ASB9: variants seen among roughly 807,000 people sequenced by gnomAD.
The protein encoded by ASB9 is ankyrin repeat and SOCS box containing 9, also known as ankyrin repeat and SOCS box protein 9.
A neutral mutation model predicts 16.6 loss-of-function variants in ASB9; 5 were observed. The ratio of observed to expected loss-of-function variants is 0.30; its 90% CI spans 0.16 to 0.63. The LOEUF is 0.63. Among genes scored for constraint, ASB9 ranks in the 30% least tolerant of loss-of-function variants. The pLI, the probability that ASB9 is intolerant of heterozygous loss-of-function variation, is 0.82. For synonymous variants in ASB9, 100 were observed against 86.4 expected (o/e 1.16, Z -0.87); for missense variants, 216 against 229.4 (o/e 0.94, Z 0.38).
chrX:15,250,662 T>C (rs1241990051), intron 4 of ASB9, 98 bp from the exon 5 acceptor site: 1 of 781,398 alleles, frequency 1.3e-6, no homozygotes, highest in South Asian at 3.3e-5. Flanking sequence ...GGCAGCAGCT[T>C]ATCCAGGGGA....
chrX:15,270,083 CACA>C (rs1011157438), upstream of ASB9: 3 of 114,588 alleles, frequency 2.6e-5, no homozygotes, highest in African/African-American at 1.3e-4. Context: ...CGCTCGTGTA[CACA>C]CACACACACA....
In ASB9 at chrX:15,244,398, C is replaced by A. The variant is rs1047483144; in HGVS notation, c.*108G>T. On this transcript the variant is annotated 3_prime_UTR_variant, in exon 7 of 7. Coordinates refer to ENST00000380488, the MANE Select transcript of ASB9 (RefSeq NM_001031739.3). ...AGTTTATAACAAATACAAATCTAAT[C>A]GAAAAAACTAGTCAAACTCTATAAA... The A allele has an allele frequency of 2.2e-6, 2 of 926,615 alleles. No homozygotes were observed. The highest frequency in any genetic ancestry group is 1.5e-6 in the Non-Finnish European group (1 of 670,432). The allele number at this position is 926,615 out of a possible 1,213,427, so 76.4% of individuals were successfully genotyped here.
chrX:15,249,483 G>GT (rs1043610733), intron 5 of ASB9, among the ~76,000 whole-genome samples: 3 of 112,401 alleles, frequency 2.7e-5, no homozygotes, highest in African/African-American at 9.7e-5. Flanking sequence ...CCTTTCAGGA[G>GT]TAAGGTGGAT....
In ASB9 at chrX:15,244,520, G is replaced by C. The variant is rs1924495267; in HGVS notation, c.871C>G (p.Leu291Val). 8.4e-7 allele frequency: 1 copy of C among 1,197,194 alleles called. No homozygotes were observed. The highest frequency in any genetic ancestry group is 1.7e-5 in the African/African-American group (1 of 57,395). Reference sequence around the variant, plus strand: ...CCTAGATGCATTTAAAGATGTAGGAGAAACTGTTTCAGATCCTCTGGGAGG... The same window carrying C: ...CCTAGATGCATTTAAAGATGTAGGACAAACTGTTTCAGATCCTCTGGGAGG... ...LVLPEDLKQFLLHL is the reference protein window; with the variant it reads ...LVLPEDLKQFVLHL The change falls in exon 7 of 7, where the codon CTC becomes GTC. Residue 291 changes from leucine (L) to valine (V), a missense_variant. Transcript: ENST00000380488.
chrX:15,244,628 G>A lies in ASB9; in HGVS notation c.763C>T (p.Pro255Ser). 8.3e-7 allele frequency: 1 copy of A among 1,202,331 alleles called. No homozygotes were observed. The highest frequency in any genetic ancestry group is 1.1e-6 in the Non-Finnish European group (1 of 889,797). The change falls in exon 7 of 7, where the codon CCC becomes TCC. Residue 255 changes from proline to serine, a missense_variant and splice_region_variant. Physicochemically the swap from Pro to Ser is moderately conservative, Grantham distance 74 (BLOSUM62 -1). Transcript: ENST00000380488. ...LAQLFLEREGPPSLMQLCRLR... is the reference protein window; with the variant it reads ...LAQLFLEREGSPSLMQLCRLR... ...CGGCATAACTGCATCAAAGAAGGGG[G>A]CCCTGGAGAAAGATCATAAGACAAG...
chrX:15,248,539 G>T, intron 6 of ASB9: 2 of 631,161 alleles, frequency 3.2e-6, no homozygotes, highest in Non-Finnish European at 4.4e-6. Context: ...TATCCAATAT[G>T]CTAAATAGCA....
chrX:15,257,663 A>C (rs1925685491), intron 2 of ASB9, among the ~76,000 whole-genome samples: 1 of 111,726 alleles, frequency 9.0e-6, no homozygotes, highest in South Asian at 3.7e-4. Flanking sequence ...ATAAAATCAT[A>C]AGGTAATTAA....
At chrX:15,250,674 CA>C in intron 4 of ASB9, 110 bp from the exon 5 acceptor site, 1 of 670,825 alleles carries the variant, frequency 1.5e-6, no homozygotes, top group Non-Finnish European at 2.2e-6. Context: ...TCCAGGGGAC[CA>C]AAAAGCTATT....
In ASB9 at chrX:15,259,311, T is replaced by C. The variant is rs540964625; in HGVS notation, c.95-366A>G. Among the ~76,000 whole-genome samples, 42 of 112,692 alleles carry C rather than the reference T, an allele frequency of 3.7e-4. No individual in the cohort carries two copies. In the South Asian group the frequency reaches 0.014, roughly 37 times the overall value. On this transcript the variant is annotated intron_variant, in intron 1 of 6. Transcript: ENST00000380488. ...CAACATTAGTGTGTTAAGCTGTAGC[T>C]GTCAGTCTAGTTTCCTGCATGAAAT...
In ASB9 at chrX:15,269,813, C is replaced by A; in HGVS notation, c.62G>T (p.Gly21Val). Reference protein sequence around the residue: ...SKPAGPRDFPGIRLLSNPLMG... With the variant: ...SKPAGPRDFPVIRLLSNPLMG... Reference sequence around the variant, plus strand: ...CAATGGGTTTGAAAGAAGCCTGATGCCAGGAAAGTCCCTTGGCCCCGCGGG... The same window carrying A: ...CAATGGGTTTGAAAGAAGCCTGATGACAGGAAAGTCCCTTGGCCCCGCGGG... Residue 21 changes from glycine to valine, a missense_variant, in exon 1 of 7, where the codon GGC becomes GTC. Gly to Val is a moderately radical substitution (Grantham distance 109, BLOSUM62 -3). Coordinates refer to ENST00000380488, the MANE Select transcript of ASB9 (RefSeq NM_001031739.3). 1 of 1,208,402 alleles carries A rather than the reference C, an allele frequency of 8.3e-7. No homozygotes were observed. The highest frequency in any genetic ancestry group is 1.7e-5 in the African/African-American group (1 of 57,681).
intron 1 of ASB9, among the ~76,000 whole-genome samples, chrX:15,263,782 T>G (rs962245008): frequency 9.0e-6 from 1 of 111,715 alleles, no homozygotes; most frequent in African/African-American, 3.3e-5. Flanking sequence ...GTCTTCTGTT[T>G]AAATGTGAAT....
intron 3 of ASB9, among the ~76,000 whole-genome samples, chrX:15,253,624 A>G (rs1925308944): frequency 8.9e-6 from 1 of 111,773 alleles, no homozygotes; most frequent in Non-Finnish European, 1.9e-5. Context: ...TAAAAACATA[A>G]AAACTGGTTA....
intron 6 of ASB9, among the ~76,000 whole-genome samples, chrX:15,245,868 T>C (rs989485101): frequency 1.8e-5 from 2 of 111,918 alleles, no homozygotes; most frequent in African/African-American, 6.5e-5. Flanking sequence ...GAGATGGAAC[T>C]CGACACATAT....
At chrX:15,266,285 A>G (rs139933522) in intron 1 of ASB9, among the ~76,000 whole-genome samples, 2,311 of 112,052 alleles carry the variant, frequency 0.021, 24 homozygotes, top group Non-Finnish European at 0.035. Context: ...GGTGATGTAG[A>G]GGCACATGAG....
chrX:15,269,773 T>C lies in ASB9; in HGVS notation c.94+8A>G, dbSNP rs745646362. ...CCCAGGGCTGATTCCACTGCCCCTA[T>C]GACTCACCGCCCATCAATGGGTTTG... On this transcript the variant is annotated splice_region_variant and intron_variant, in intron 1 of 6. Coordinates refer to ENST00000380488, the MANE Select transcript of ASB9 (RefSeq NM_001031739.3). The C allele has an allele frequency of 8.3e-7, 1 of 1,202,991 alleles. No individual in the cohort carries two copies. Among genetic ancestry groups the C allele is most frequent in the East Asian group, 3.0e-5 (1 of 33,554 alleles).
intron 1 of ASB9, among the ~76,000 whole-genome samples, chrX:15,264,158 G>C (rs995903680): frequency 1.8e-5 from 2 of 111,319 alleles, no homozygotes; most frequent in African/African-American, 6.5e-5. Context: ...TCTAGCTTCT[G>C]GCAGTGGCCA....
At chrX:15,248,583 T>C (rs771859991) in intron 6 of ASB9, 161 bp downstream of exon 6, 129 of 898,537 alleles carry the variant, frequency 1.4e-4, no homozygotes, top group Non-Finnish European at 1.8e-4. Context: ...ACCAGTACTG[T>C]ATCTCATTGA....
intron 1 of ASB9, 135 bp from the exon 2 acceptor site, chrX:15,259,080 C>A: frequency 2.4e-6 from 1 of 409,001 alleles, no homozygotes. Flanking sequence ...AAATTCCCAT[C>A]AGGAATTCAG....
Position 15,270,038 on chromosome X carries a change from A to C in ASB9, c.-164T>G. On this transcript the variant is annotated 5_prime_UTR_variant, in exon 1 of 7. The change creates a new upstream start codon in the 5' untranslated region. Coordinates refer to ENST00000380488, the MANE Select transcript of ASB9 (RefSeq NM_001031739.3). Reference sequence around the variant, plus strand: ...CAGCAAAGCACAGAGCAGGCAGGGTAATCTGAGTGCTACCTGTGATCAGAG... The same window carrying C: ...CAGCAAAGCACAGAGCAGGCAGGGTCATCTGAGTGCTACCTGTGATCAGAG... The C allele has an allele frequency of 2.6e-6, 1 of 388,060 alleles. No individual in the cohort carries two copies. Among genetic ancestry groups the C allele is most frequent in the Non-Finnish European group, 4.4e-6 (1 of 226,719 alleles). The allele number at this position is 388,060 out of a possible 1,213,427, so 32.0% of individuals were successfully genotyped here.
Sources: allele counts gnomAD v4.1 joint callset (sites outside exome capture counted in the v4.1 genomes callset), GRCh38; gene constraint gnomAD v4.1.1; transcripts MANE v1.5; gene names NCBI Gene and HGNC (gene_info 2026-07-23, HGNC 2026-07-21).